DMD: variants seen among roughly 807,000 people sequenced by gnomAD.
The protein encoded by DMD is dystrophin.
A neutral mutation model predicts 330.1 loss-of-function variants in DMD; 63 were observed. The observed-to-expected ratio is 0.19, with a 90% CI of 0.16 to 0.24. DMD has a LOEUF of 0.24. Among genes scored for constraint, DMD ranks in the 10% least tolerant of loss-of-function variants. DMD has a pLI of 1.00. For synonymous variants in DMD, 1,223 were observed against 959.8 expected, an observed-to-expected ratio of 1.27 and a Z score of -5.07; for missense variants, 3,344 against 2,684.1, an observed-to-expected ratio of 1.25 and a Z score of -5.43.
chrX:33,151,496 T>A (rs2048283311), intron 1 of DMD, among the ~76,000 whole-genome samples: 1 of 112,415 alleles, frequency 8.9e-6, no homozygotes. Flanking sequence ...CAATTAAATC[T>A]GAATAGTGAC....
At chrX:31,234,494 G>T (rs1441021602) in intron 63 of DMD, among the ~76,000 whole-genome samples, 1 of 112,331 alleles carries the variant, frequency 8.9e-6, no homozygotes, top group Non-Finnish European at 1.9e-5. Context: ...AAATCCATGA[G>T]TCTCCTGACT....
intron 63 of DMD, among the ~76,000 whole-genome samples, chrX:31,256,741 CGTGTGTGTGT>C (rs35842618): frequency 2.0e-5 from 2 of 97,955 alleles, no homozygotes; most frequent in African/African-American, 3.7e-5. Context: ...ATATGTGGGG[CGTGTGTGTGT>C]GTGTGTGTGT....
chrX:31,736,650 G>C (rs971549060), intron 51 of DMD, among the ~76,000 whole-genome samples: 2 of 111,529 alleles, frequency 1.8e-5, no homozygotes, highest in Non-Finnish European at 3.8e-5. Context: ...CTTTTTTCAA[G>C]GAACTTATAA....
chrX:33,251,253 AC>A (rs1274676660), intron 1 of DMD, among the ~76,000 whole-genome samples: 8 of 111,952 alleles, frequency 7.1e-5, no homozygotes, highest in African/African-American at 2.3e-4. Context: ...AATAAAACCT[AC>A]TTATTTCTTT....
intron 63 of DMD, among the ~76,000 whole-genome samples, chrX:31,257,288 A>G (rs1250503591): frequency 3.7e-5 from 4 of 108,079 alleles, no homozygotes; most frequent in Admixed American, 1.0e-4. Flanking sequence ...ACAGAGGGAA[A>G]AAGCAACATC....
At chrX:32,707,667 A>T (rs750399599) in intron 7 of DMD, among the ~76,000 whole-genome samples, 3 of 112,188 alleles carry the variant, frequency 2.7e-5, no homozygotes, top group African/African-American at 9.7e-5. Flanking sequence ...TACATATGTT[A>T]AATATATTTT....
chrX:32,729,396 A>T (rs2067263130), intron 7 of DMD, among the ~76,000 whole-genome samples: 1 of 111,989 alleles, frequency 8.9e-6, no homozygotes, highest in Non-Finnish European at 1.9e-5. Flanking sequence ...TCAACCATTA[A>T]TGTAGCACTT....
chrX:32,000,805 A>C (rs1215691576), intron 44 of DMD, among the ~76,000 whole-genome samples: 1 of 111,746 alleles, frequency 8.9e-6, no homozygotes, highest in Non-Finnish European at 1.9e-5. Context: ...CTTCATTCCC[A>C]CTAAGCACAT....
intron 7 of DMD, among the ~76,000 whole-genome samples, chrX:32,756,844 A>C (rs5972661): frequency 0.097 from 10,758 of 111,291 alleles, 597 homozygotes; most frequent in Admixed American, 0.19. Flanking sequence ...AGTTAGAATT[A>C]AGTGATGCAA....
At chrX:32,753,882 C>A (rs944212036) in intron 7 of DMD, among the ~76,000 whole-genome samples, 2 of 111,387 alleles carry the variant, frequency 1.8e-5, no homozygotes, top group African/African-American at 3.3e-5. Context: ...ACATAACAAG[C>A]CATTGAAAAT....
At chrX:32,270,754 C>A (rs1019919791) in intron 43 of DMD, among the ~76,000 whole-genome samples, 3 of 111,461 alleles carry the variant, frequency 2.7e-5, no homozygotes, top group African/African-American at 9.8e-5. Context: ...AGCTTGAGCC[C>A]CAGAATGAGA....
intron 78 of DMD, among the ~76,000 whole-genome samples, chrX:31,124,828 G>A (rs1205506353): frequency 9.0e-6 from 1 of 111,677 alleles, no homozygotes; most frequent in Non-Finnish European, 1.9e-5. Flanking sequence ...GCAATCTGGT[G>A]CTCTATTTTT....
intron 15 of DMD, among the ~76,000 whole-genome samples, chrX:32,571,745 A>T (rs2052444168): frequency 1.8e-5 from 2 of 111,709 alleles, no homozygotes; most frequent in Admixed American, 1.9e-4. Flanking sequence ...TTCCTCTTCT[A>T]TTCTCCTGTT....
intron 1 of DMD, among the ~76,000 whole-genome samples, chrX:33,219,703 A>C (rs1023681327): frequency 2.1e-4 from 23 of 111,541 alleles, no homozygotes; most frequent in African/African-American, 5.6e-4. Flanking sequence ...AGGTAAATGT[A>C]CAGGGATTAA....
intron 7 of DMD, among the ~76,000 whole-genome samples, chrX:32,794,295 A>G (rs1451112742): frequency 8.9e-6 from 1 of 112,543 alleles, no homozygotes; most frequent in Non-Finnish European, 1.9e-5. Flanking sequence ...ATTTCTCCCT[A>G]TAAAACTGGA....
At chrX:33,076,201 A>G (rs1424317681) in intron 1 of DMD, among the ~76,000 whole-genome samples, 3 of 111,127 alleles carry the variant, frequency 2.7e-5, no homozygotes, top group African/African-American at 9.8e-5. Context: ...CCAACCAATC[A>G]TTACTTCTGA....
intron 4 of DMD, among the ~76,000 whole-genome samples, chrX:32,832,100 A>G (rs1290799390): frequency 1.8e-5 from 2 of 111,399 alleles, no homozygotes; most frequent in African/African-American, 6.5e-5. Context: ...TGTCCTAAGA[A>G]GGAGTCACTT....
intron 60 of DMD, among the ~76,000 whole-genome samples, chrX:31,356,480 G>A (rs1026678800): frequency 3.6e-5 from 4 of 111,251 alleles, no homozygotes; most frequent in Non-Finnish European, 5.6e-5. Context: ...GTGCATGCTT[G>A]CAAGACAAGC....
chrX:32,419,491 G>A (rs2098180765), intron 29 of DMD, among the ~76,000 whole-genome samples: 1 of 112,257 alleles, frequency 8.9e-6, no homozygotes, highest in African/African-American at 3.2e-5. Context: ...ATTTGTTAAT[G>A]TATTTAATAG....
Sources: gnomAD v4.1 joint callset for allele counts (sites outside exome capture counted in the v4.1 genomes callset) on GRCh38, gnomAD v4.1.1 for gene constraint, MANE v1.5 for transcripts, NCBI Gene and HGNC (gene_info 2026-07-23, HGNC 2026-07-21) for gene names.